The following CTNNBIP1 variants were observed in gnomAD, a reference collection of about 807,000 sequenced individuals.
CTNNBIP1 encodes the protein catenin beta interacting protein 1.
Under a neutral mutation model 11.8 loss-of-function variants are expected in CTNNBIP1, and 7 were observed. The ratio of observed to expected loss-of-function variants is 0.60; its 90% confidence interval spans 0.34 to 1.12. The LOEUF is 1.12. Among genes scored for constraint, CTNNBIP1 ranks in the 50% most tolerant of loss-of-function variants. The pLI is 0.03. For missense variants in CTNNBIP1, 101 were observed against 113.4 expected (o/e 0.89, Z 0.50); for synonymous variants, 58 against 43.9 (o/e 1.32, Z -1.26).
chr1:9,872,428 G>A lies in CTNNBIP1; in HGVS notation c.-24-340C>T, dbSNP rs1470999514. 6.6e-6 allele frequency among the ~76,000 whole-genome samples: 1 copy of A among 152,242 alleles called. No homozygotes were observed. Among genetic ancestry groups the A allele is most frequent in the Admixed American group, 6.5e-5 (1 of 15,286 alleles). On this transcript the variant is annotated intron_variant, in intron 3 of 5. Transcript: ENST00000377263. This position sits in a 1 kb window ranked among gnomAD's most constrained non-coding sequence, Gnocchi z 4.0. ...CCCCAGAGCAAAGCTCCTGCTACAA[G>A]CCACAGGACACGTGGTGCATGAAGC...
At chr1:9,858,637 G>A (rs1638559306) in intron 5 of CTNNBIP1, among the ~76,000 whole-genome samples, 1 of 152,160 alleles carries the variant, frequency 6.6e-6, no homozygotes, top group Non-Finnish European at 1.5e-5. Context: ...GGTGAATGAG[G>A]TCTTCAGCAC....
At position 9,850,398 on chromosome 1, in the gene CTNNBIP1, T is replaced by C. The variant is rs1449644823; in HGVS notation, c.*320A>G. On this transcript the variant is annotated 3_prime_UTR_variant, in exon 6 of 6. Transcript: ENST00000377263. ...TCGGAGAGCTTCCAGGGAAGCCAGA[T>C]ACCGAGGCGCAAATTTTTTAAAAAA... 2 of 244,298 alleles carry C rather than the reference T, an allele frequency of 8.2e-6. No individual in the cohort carries two copies. The allele number at this position is 244,298 out of a possible 1,614,324, so 15.1% of individuals were successfully genotyped here.
chr1:9,882,206 G>T (rs562700587), intron 2 of CTNNBIP1, among the ~76,000 whole-genome samples: 1 of 152,306 alleles, frequency 6.6e-6, no homozygotes, highest in Admixed American at 6.5e-5. Context: ...TTTGCTGGTA[G>T]AGAGAAAGGG....
At position 9,898,435 on chromosome 1, in the gene CTNNBIP1, A is replaced by T. The variant is rs1639454526; in HGVS notation, c.-144+11660T>A. On this transcript the variant is annotated intron_variant, in intron 1 of 5. Transcript: ENST00000377263. Reference sequence around the variant, plus strand: ...GCTACTCAGGAGGCTGAGGCACAAGAATCTGTGGAATCTGGGAGTCGGAGG... The same window carrying T: ...GCTACTCAGGAGGCTGAGGCACAAGTATCTGTGGAATCTGGGAGTCGGAGG... 2.0e-5 allele frequency among the ~76,000 whole-genome samples: 3 copies of T among 152,294 alleles called. No individual in the cohort carries two copies. In the South Asian group the frequency reaches 6.2e-4, roughly 32 times the overall value.
chr1:9,872,992 C>T lies in CTNNBIP1; in HGVS notation c.-24-904G>A, dbSNP rs1306439134. 6.6e-6 allele frequency among the ~76,000 whole-genome samples: 1 copy of T among 152,134 alleles called. No homozygotes were observed. The highest frequency in any genetic ancestry group is 2.4e-5 in the African/African-American group (1 of 41,418). On this transcript the variant is annotated intron_variant, in intron 3 of 5. Transcript: ENST00000377263. The surrounding 1 kb of genome is among the most constrained non-coding windows in gnomAD (Gnocchi z 4.0). ...GCGCTCGGAGAACCACGGAACCAAG[C>T]TGGCAGGCCAAGAACACTCCTCACA...
intron 2 of CTNNBIP1, among the ~76,000 whole-genome samples, chr1:9,879,130 G>C (rs375980375): frequency 6.6e-6 from 1 of 152,082 alleles, no homozygotes; most frequent in Admixed American, 6.6e-5. Context: ...CTGGGAGGCA[G>C]AGTTTGCAGT....
chr1:9,884,921 G>A (rs996309028), intron 1 of CTNNBIP1, among the ~76,000 whole-genome samples: 2 of 152,104 alleles, frequency 1.3e-5, no homozygotes, highest in Non-Finnish European at 2.9e-5. Context: ...CACTGGGGTG[G>A]GGCTGCGGTG....
rs975980069 is a variant in CTNNBIP1 at position 9,851,060 on chromosome 1, G to C, written c.188-284C>G. Among the ~76,000 whole-genome samples, 2 of 152,214 alleles carry C rather than the reference G, an allele frequency of 1.3e-5. No homozygotes were observed. The highest frequency in any genetic ancestry group is 4.8e-5 in the African/African-American group (2 of 41,442). On this transcript the variant is annotated intron_variant, in intron 5 of 5. Coordinates refer to ENST00000377263, the MANE Select transcript of CTNNBIP1 (RefSeq NM_020248.3). This position sits in a 1 kb window ranked among gnomAD's most constrained non-coding sequence, Gnocchi z 4.8. ...CAGCTGACAGGTGAGCCATGACGAG[G>C]CCCCAGGTGACCTGGAGCAGGGCTC...
chr1:9,895,854 C>T (rs952326335), intron 1 of CTNNBIP1, among the ~76,000 whole-genome samples: 23 of 152,214 alleles, frequency 1.5e-4, no homozygotes, highest in East Asian at 5.8e-4. Context: ...TCTTGAACTC[C>T]TGGCCTCAAG....
intron 1 of CTNNBIP1, among the ~76,000 whole-genome samples, chr1:9,884,866 G>A (rs1639153745): frequency 6.6e-6 from 1 of 152,108 alleles, no homozygotes; most frequent in African/African-American, 2.4e-5. Context: ...GAGCAGAGCT[G>A]GACAGAGGCC....
chr1:9,900,670 C>T (rs1054528008), intron 1 of CTNNBIP1, among the ~76,000 whole-genome samples: 2 of 152,214 alleles, frequency 1.3e-5, no homozygotes, highest in Non-Finnish European at 2.9e-5. Context: ...TCCGGCTGCC[C>T]GAGCTCCCTT....
At chr1:9,866,465 G>A (rs749171419) in intron 5 of CTNNBIP1, among the ~76,000 whole-genome samples, 1 of 152,108 alleles carries the variant, frequency 6.6e-6, no homozygotes, top group African/African-American at 2.4e-5. Flanking sequence ...AGGCCAAGGT[G>A]TATGGATCAC....
At chr1:9,889,131 C>T (rs575406314) in intron 1 of CTNNBIP1, among the ~76,000 whole-genome samples, 59 of 152,314 alleles carry the variant, frequency 3.9e-4, no homozygotes, top group Middle Eastern at 6.8e-3. Flanking sequence ...AGCACAGGCA[C>T]AAACCTGCCT....
intron 3 of CTNNBIP1, among the ~76,000 whole-genome samples, chr1:9,875,677 A>G (rs1638953064): frequency 6.6e-6 from 1 of 152,214 alleles, no homozygotes; most frequent in Non-Finnish European, 1.5e-5. Flanking sequence ...CTTTTCTAAA[A>G]AGCGTGGTCA....
At chr1:9,868,531 C>T (rs1212251785) in intron 5 of CTNNBIP1, among the ~76,000 whole-genome samples, 1 of 152,168 alleles carries the variant, frequency 6.6e-6, no homozygotes, top group African/African-American at 2.4e-5. Flanking sequence ...TCCCTTATGA[C>T]AAAGAAACAA....
chr1:9,866,782 T>A (rs577016127), intron 5 of CTNNBIP1, among the ~76,000 whole-genome samples: 1 of 150,840 alleles, frequency 6.6e-6, no homozygotes, highest in Admixed American at 6.6e-5. Flanking sequence ...GGGGGCAAGA[T>A]GGGAAGTCGA....
intron 2 of CTNNBIP1, among the ~76,000 whole-genome samples, chr1:9,879,094 G>A (rs900191857): frequency 3.9e-5 from 6 of 152,176 alleles, no homozygotes; most frequent in African/African-American, 1.4e-4. Context: ...CTACTTGGGA[G>A]GCTGAGGCAG....
rs964536010 is a variant in CTNNBIP1 at position 9,872,870 on chromosome 1, G to A, written c.-24-782C>T. ...GCTGGAGGAGAGGAAGCTGGGTATG[G>A]AGGGGCTTGGGTTACACACTGGTAA... On this transcript the variant is annotated intron_variant, in intron 3 of 5. Transcript: ENST00000377263. This position sits in a 1 kb window ranked among gnomAD's most constrained non-coding sequence, Gnocchi z 4.0. Among the ~76,000 whole-genome samples, 1 of 152,188 alleles carries A rather than the reference G, an allele frequency of 6.6e-6. No individual in the cohort carries two copies. Among genetic ancestry groups the A allele is most frequent in the Non-Finnish European group, 1.5e-5 (1 of 68,018 alleles).
rs1304996136 is a variant in CTNNBIP1, at chr1:9,883,127, G to A, written c.-110+578C>T. ...GTGGCAGCAGCGGGACGGCGCAGGAGGGTAGGTCAGGGACCGGGGGAGCCT... is the reference window on the plus strand; with the variant it reads ...GTGGCAGCAGCGGGACGGCGCAGGAAGGTAGGTCAGGGACCGGGGGAGCCT... On this transcript the variant is annotated intron_variant, in intron 2 of 5. Coordinates refer to ENST00000377263, the MANE Select transcript of CTNNBIP1 (RefSeq NM_020248.3). This position sits in a 1 kb window ranked among gnomAD's most constrained non-coding sequence, Gnocchi z 5.6. Among the ~76,000 whole-genome samples, 4 of 152,180 alleles carry A rather than the reference G, an allele frequency of 2.6e-5. No individual in the cohort carries two copies. The highest frequency in any genetic ancestry group is 5.9e-5 in the Non-Finnish European group (4 of 68,030).
Sources: allele counts gnomAD v4.1 joint callset (sites outside exome capture counted in the v4.1 genomes callset), GRCh38; gene constraint gnomAD v4.1.1; non-coding constraint Gnocchi (gnomAD v3.1); transcripts MANE v1.5; gene names NCBI Gene and HGNC (gene_info 2026-07-23, HGNC 2026-07-21).